The following NOL4 variants were observed in gnomAD, a reference collection of about 807,000 sequenced individuals.
NOL4 encodes cancer/testis antigen 125.
Under a neutral mutation model 75.9 loss-of-function variants are expected in NOL4, and 17 were observed. The observed-to-expected ratio is 0.22, with a 90% CI of 0.15 to 0.34. NOL4 has a LOEUF of 0.34. NOL4 is among the 10% of genes least tolerant of loss of function. The pLI is 1.00. For synonymous variants in NOL4, 292 were observed against 289.9 expected (o/e 1.01, Z -0.07); for missense variants, 614 against 793.5 (o/e 0.77, Z 2.72).
intron 1 of NOL4, among the ~76,000 whole-genome samples, chr18:34,183,112 A>G (rs1247721604): frequency 1.3e-5 from 2 of 151,850 alleles, no homozygotes; most frequent in Non-Finnish European, 3.0e-5. Flanking sequence ...AAAAATGTCA[A>G]AATAAGTTAC....
At chr18:33,853,261 G>A (rs2062698467) in intron 10 of NOL4, among the ~76,000 whole-genome samples, 1 of 152,056 alleles carries the variant, frequency 6.6e-6, no homozygotes, top group Non-Finnish European at 1.5e-5. Flanking sequence ...TCAGCCTCTG[G>A]AAATCACCTC....
chr18:33,943,957 TATG>T (rs1423088326), intron 8 of NOL4, among the ~76,000 whole-genome samples: 1 of 151,898 alleles, frequency 6.6e-6, no homozygotes, highest in Non-Finnish European at 1.5e-5. Flanking sequence ...TAACAAAAAT[TATG>T]ATTTTCATTC....
intron 6 of NOL4, among the ~76,000 whole-genome samples, chr18:33,975,723 C>A (rs1396175134): frequency 1.3e-5 from 2 of 152,060 alleles, no homozygotes; most frequent in Non-Finnish European, 2.9e-5. Context: ...TGCAGTCAGC[C>A]GAGTTGGCGC....
chr18:34,161,451 T>G (rs775097647), intron 1 of NOL4, among the ~76,000 whole-genome samples: 2 of 152,172 alleles, frequency 1.3e-5, no homozygotes, highest in Non-Finnish European at 2.9e-5. Flanking sequence ...AGGACAATTT[T>G]GCAAGAAATA....
intron 9 of NOL4, among the ~76,000 whole-genome samples, chr18:33,932,424 T>C (rs2067759248): frequency 6.6e-6 from 1 of 152,054 alleles, no homozygotes; most frequent in Non-Finnish European, 1.5e-5. Context: ...AAATTCATCT[T>C]TTATAGGAAT....
At chr18:34,144,020 C>G (rs1184660736) in intron 1 of NOL4, among the ~76,000 whole-genome samples, 1 of 152,042 alleles carries the variant, frequency 6.6e-6, no homozygotes, top group African/African-American at 2.4e-5. Flanking sequence ...TGGGAAATCA[C>G]TGAACGTGAA....
intron 7 of NOL4, among the ~76,000 whole-genome samples, chr18:33,957,828 T>C (rs1401836872): frequency 6.6e-6 from 1 of 152,186 alleles, no homozygotes; most frequent in Non-Finnish European, 1.5e-5. Flanking sequence ...TTACAATCTC[T>C]ATTAATGATG....
intron 8 of NOL4, among the ~76,000 whole-genome samples, chr18:33,954,453 C>A (rs1029754365): frequency 6.6e-6 from 1 of 151,870 alleles, no homozygotes; most frequent in African/African-American, 2.4e-5. Context: ...GTATAAAATG[C>A]TCTTTCGAGA....
chr18:33,922,594 A>G (rs2067105641), intron 9 of NOL4, among the ~76,000 whole-genome samples: 1 of 152,222 alleles, frequency 6.6e-6, no homozygotes, highest in African/African-American at 2.4e-5. Context: ...GGCCTGAAAG[A>G]GCAGACAAAT....
chr18:34,084,555 CT>C (rs1424278348), intron 5 of NOL4, among the ~76,000 whole-genome samples: 102 of 152,230 alleles, frequency 6.7e-4, no homozygotes, highest in African/African-American at 2.2e-3. Context: ...ATTTCAAATA[CT>C]GTGTGTGGCT....
chr18:33,892,823 A>AT (rs973347770), intron 9 of NOL4, among the ~76,000 whole-genome samples: 5 of 151,626 alleles, frequency 3.3e-5, no homozygotes, highest in Admixed American at 2.6e-4. Context: ...TTCCTGGCTA[A>AT]TTTTTTTCTT....
chr18:33,957,189 C>T (rs957145677), intron 8 of NOL4, 137 bp downstream of exon 8: 17 of 610,098 alleles, frequency 2.8e-5, no homozygotes, highest in East Asian at 1.4e-4. Context: ...AAAAAACAAA[C>T]GAGCAAACAA....
chr18:34,142,840 A>C (rs1340525392), intron 1 of NOL4, among the ~76,000 whole-genome samples: 1 of 152,144 alleles, frequency 6.6e-6, no homozygotes, highest in Admixed American at 6.6e-5. Context: ...ATAAATAAAT[A>C]AATAAGAAAT....
intron 9 of NOL4, among the ~76,000 whole-genome samples, chr18:33,925,263 G>A (rs1210180189): frequency 6.6e-6 from 1 of 152,040 alleles, no homozygotes; most frequent in Non-Finnish European, 1.5e-5. Flanking sequence ...TTGAAACCTG[G>A]ATCTGGTTTT....
chr18:34,178,236 C>G (rs943780128), intron 1 of NOL4, among the ~76,000 whole-genome samples: 16 of 151,202 alleles, frequency 1.1e-4, no homozygotes, highest in Non-Finnish European at 2.2e-4. Flanking sequence ...GAAAATAACT[C>G]AAAAACATAT....
intron 5 of NOL4, among the ~76,000 whole-genome samples, chr18:34,047,578 T>C (rs368311173): frequency 1.3e-5 from 2 of 152,300 alleles, no homozygotes; most frequent in Non-Finnish European, 2.9e-5. Flanking sequence ...AAAAATTCTT[T>C]TCAATTTTGT....
At chr18:33,996,898 T>C (rs147718149) in intron 6 of NOL4, among the ~76,000 whole-genome samples, 8 of 151,950 alleles carry the variant, frequency 5.3e-5, no homozygotes, top group African/African-American at 1.7e-4. Flanking sequence ...TTTGGTAAAA[T>C]AATTTATTTT....
At chr18:33,992,823 G>GA (rs1323817018) in intron 6 of NOL4, among the ~76,000 whole-genome samples, 1 of 152,022 alleles carries the variant, frequency 6.6e-6, no homozygotes, top group African/African-American at 2.4e-5. Flanking sequence ...GTGTCAGTTG[G>GA]AGAGAAGTAC....
intron 6 of NOL4, among the ~76,000 whole-genome samples, chr18:34,017,173 TCTTA>T (rs2074744530): frequency 1.3e-5 from 2 of 152,156 alleles, no homozygotes; most frequent in African/African-American, 2.4e-5. Flanking sequence ...AATAGCATTT[TCTTA>T]CTTAAACTCT....
Sources: allele counts gnomAD v4.1 joint callset (sites outside exome capture counted in the v4.1 genomes callset), GRCh38; gene constraint gnomAD v4.1.1; transcripts MANE v1.5; gene names NCBI Gene and HGNC (gene_info 2026-07-23, HGNC 2026-07-21).